Variants in PRKCH observed in about 807,000 individuals in gnomAD.
The protein encoded by PRKCH is protein kinase C eta, also known as protein kinase C eta type.
PRKCH carries 28 observed loss-of-function variants against 82.5 expected under a neutral mutation model. That is an observed-to-expected ratio of 0.34 (90% CI 0.25 to 0.47). PRKCH has a LOEUF of 0.47. PRKCH is among the 20% of genes least tolerant of loss of function. PRKCH has a pLI of 1.00. For synonymous variants in PRKCH, 322 were observed against 327.4 expected (o/e 0.98, Z 0.18); for missense variants, 705 against 881.8 (o/e 0.80, Z 2.54).
chr14:61,250,737 C>T (rs1370632215), intron 1 of PRKCH, among the ~76,000 whole-genome samples: 1 of 152,048 alleles, frequency 6.6e-6, no homozygotes, highest in African/African-American at 2.4e-5. Context: ...AGGTAAACTA[C>T]AGACCTCGGG....
chr14:61,378,823 T>C (rs542002775), intron 1 of PRKCH, among the ~76,000 whole-genome samples: 36 of 152,246 alleles, frequency 2.4e-4, no homozygotes, highest in African/African-American at 8.2e-4. Context: ...CCTATGTCTT[T>C]CTCCTATCTG....
intron 1 of PRKCH, among the ~76,000 whole-genome samples, chr14:61,272,184 C>A (rs138021856): frequency 6.6e-6 from 1 of 151,306 alleles, no homozygotes; most frequent in Admixed American, 6.6e-5. Context: ...GCTGAGATTG[C>A]GCCACTGCAC....
At chr14:61,374,898 A>G (rs1323339166) in intron 1 of PRKCH, among the ~76,000 whole-genome samples, 1 of 151,982 alleles carries the variant, frequency 6.6e-6, no homozygotes, top group Non-Finnish European at 1.5e-5. Context: ...AGCTGGCTTG[A>G]ATTTCTCCCC....
intron 9 of PRKCH, among the ~76,000 whole-genome samples, chr14:61,481,212 T>G (rs1271531943): frequency 6.6e-6 from 1 of 152,232 alleles, no homozygotes; most frequent in Non-Finnish European, 1.5e-5. Context: ...ACCACGTGTG[T>G]GTTTAGTAAA....
At chr14:61,325,319 T>G (rs1207625253) in intron 1 of PRKCH, among the ~76,000 whole-genome samples, 1 of 152,138 alleles carries the variant, frequency 6.6e-6, no homozygotes, top group Non-Finnish European at 1.5e-5. Flanking sequence ...GATCCACACA[T>G]ATATGACCCA....
At chr14:61,480,987 AG>A (rs1455652509) in intron 9 of PRKCH, among the ~76,000 whole-genome samples, 1 of 151,998 alleles carries the variant, frequency 6.6e-6, no homozygotes, top group East Asian at 1.9e-4. Context: ...GACTCCTCTC[AG>A]AAGCTTCCCC....
At chr14:61,267,630 G>A (rs1250744079) in intron 1 of PRKCH, among the ~76,000 whole-genome samples, 1 of 152,210 alleles carries the variant, frequency 6.6e-6, no homozygotes, top group East Asian at 1.9e-4. Context: ...AGAGGAGTGA[G>A]AGCATTTTAA....
intron 1 of PRKCH, among the ~76,000 whole-genome samples, chr14:61,376,642 A>G (rs1566845767): frequency 1.3e-5 from 2 of 151,922 alleles, no homozygotes; most frequent in Non-Finnish European, 2.9e-5. Flanking sequence ...TGCCTCCTCC[A>G]CTGCACACTT....
At chr14:61,500,005 C>T (rs377343914) in intron 10 of PRKCH, among the ~76,000 whole-genome samples, 1 of 151,166 alleles carries the variant, frequency 6.6e-6, no homozygotes, top group African/African-American at 2.4e-5. Context: ...GATAGTCGCT[C>T]GTTCTGGCTG....
chr14:61,392,844 GTTTTT>G (rs3085970), intron 2 of PRKCH, among the ~76,000 whole-genome samples: 1 of 135,964 alleles, frequency 7.4e-6, no homozygotes, highest in Non-Finnish European at 1.7e-5. Flanking sequence ...TTCTTTTTTT[GTTTTT>G]TTTTTTTAAG....
At chr14:61,520,273 CTTTCCTCCTT>C (rs2042887165) in intron 10 of PRKCH, among the ~76,000 whole-genome samples, 2 of 146,264 alleles carry the variant, frequency 1.4e-5, no homozygotes, top group Non-Finnish European at 3.1e-5. Flanking sequence ...TTCCTCCTGT[CTTTCCTCCTT>C]TTTCCTCCTG....
chr14:61,423,657 G>A (rs540118029), intron 2 of PRKCH, among the ~76,000 whole-genome samples: 18 of 152,124 alleles, frequency 1.2e-4, no homozygotes, highest in Admixed American at 2.6e-4. Context: ...CAGGAACATA[G>A]GTTTGTTTGT....
intron 1 of PRKCH, among the ~76,000 whole-genome samples, chr14:61,352,920 T>A (rs1383345599): frequency 1.3e-5 from 2 of 152,198 alleles, no homozygotes; most frequent in African/African-American, 4.8e-5. Context: ...CATAGGACAA[T>A]GTATTAAATA....
At chr14:61,509,274 C>A (rs1427187757) in intron 10 of PRKCH, among the ~76,000 whole-genome samples, 2 of 152,144 alleles carry the variant, frequency 1.3e-5, no homozygotes, top group Non-Finnish European at 2.9e-5. Flanking sequence ...GACTGGCATA[C>A]CGCAACACAC....
chr14:61,224,970 C>A (rs2044685786), intron 1 of PRKCH, among the ~76,000 whole-genome samples: 1 of 152,222 alleles, frequency 6.6e-6, no homozygotes, highest in African/African-American at 2.4e-5. Context: ...AGGACTCACA[C>A]ATTGTCAGAA....
At position 61,203,662 on chromosome 14, in the gene PRKCH, T is replaced by C. The variant is rs190866357; in HGVS notation, c.-19+15994T>C. ...TCTAGGAAGTGTTTTTCAAATATTTTTTACCGTGACCTACGGTAAGAACAT... is the reference window on the plus strand; with the variant it reads ...TCTAGGAAGTGTTTTTCAAATATTTCTTACCGTGACCTACGGTAAGAACAT... On this transcript the variant is annotated intron_variant, in intron 1 of 3. Transcript: ENST00000555185. 1.3e-3 allele frequency among the ~76,000 whole-genome samples: 201 copies of C among 152,122 alleles called. 1 individual carries two copies. Among genetic ancestry groups the C allele is most frequent in the African/African-American group, 4.7e-3 (193 of 41,490 alleles).
intron 2 of PRKCH, among the ~76,000 whole-genome samples, chr14:61,416,663 C>T (rs1337482925): frequency 6.6e-6 from 1 of 151,996 alleles, no homozygotes; most frequent in Non-Finnish European, 1.5e-5. Flanking sequence ...TTCCTCTCCC[C>T]ACCCCTGCTT....
chr14:61,445,036 A>G (rs938539887), intron 3 of PRKCH, among the ~76,000 whole-genome samples: 1 of 152,216 alleles, frequency 6.6e-6, no homozygotes, highest in Non-Finnish European at 1.5e-5. Flanking sequence ...AATGGTATAT[A>G]TCAGCTGCTT....
At chr14:61,368,607 A>G (rs1205555177) in intron 1 of PRKCH, among the ~76,000 whole-genome samples, 1 of 152,138 alleles carries the variant, frequency 6.6e-6, no homozygotes, top group Non-Finnish European at 1.5e-5. Flanking sequence ...GATATTTCCC[A>G]TCAGTGAAAA....
Sources: allele counts gnomAD v4.1 joint callset (sites outside exome capture counted in the v4.1 genomes callset), GRCh38; gene constraint gnomAD v4.1.1; transcripts MANE v1.5; gene names NCBI Gene and HGNC (gene_info 2026-07-23, HGNC 2026-07-21).